The following DGKB variants were observed in gnomAD, a reference collection of about 807,000 sequenced individuals.
DGKB encodes the protein 90 kDa diacylglycerol kinase.
DGKB carries 67 observed loss-of-function variants against 114.3 expected under a neutral mutation model. That is an observed-to-expected ratio of 0.59 (90% confidence interval 0.48 to 0.72). The LOEUF (loss-of-function observed/expected upper bound fraction) is 0.72. Ranked by LOEUF, DGKB falls within the 30% of genes least tolerant of loss-of-function variation. DGKB has a pLI of 0.00. For missense variants in DGKB, 907 were observed against 975.2 expected (o/e 0.93, Z 0.93); for synonymous variants, 398 against 323.1 (o/e 1.23, Z -2.49).
chr7:14,767,244 G>C (rs1027177775), intron 2 of DGKB, among the ~76,000 whole-genome samples: 64 of 151,888 alleles, frequency 4.2e-4, no homozygotes, highest in Admixed American at 2.5e-3. Context: ...CTAGAATGTT[G>C]TCCTTTAGTG....
chr7:14,383,032 G>A (rs934712091), intron 21 of DGKB, among the ~76,000 whole-genome samples: 1 of 152,214 alleles, frequency 6.6e-6, no homozygotes, highest in African/African-American at 2.4e-5. Flanking sequence ...TATTTTGACA[G>A]TTTTGAACAA....
At chr7:14,917,386 C>T (rs1446904253) in intron 1 of DGKB, among the ~76,000 whole-genome samples, 1 of 151,968 alleles carries the variant, frequency 6.6e-6, no homozygotes, top group African/African-American at 2.4e-5. Flanking sequence ...AGCCAGGCCA[C>T]TAACAAGAGA....
intron 25 of DGKB, among the ~76,000 whole-genome samples, chr7:14,173,697 T>C (rs1270136250): frequency 1.3e-5 from 2 of 152,164 alleles, no homozygotes; most frequent in African/African-American, 4.8e-5. Flanking sequence ...ACCATACCAA[T>C]GCTATGAATA....
intron 25 of DGKB, among the ~76,000 whole-genome samples, chr7:14,153,403 ATTTTAC>A (rs1386533870): frequency 6.6e-6 from 1 of 152,022 alleles, no homozygotes; most frequent in Non-Finnish European, 1.5e-5. Flanking sequence ...TTTAAAAATA[ATTTTAC>A]TTTTATAATG....
At chr7:14,440,538 CTG>C (rs1829938463) in intron 21 of DGKB, among the ~76,000 whole-genome samples, 1 of 152,094 alleles carries the variant, frequency 6.6e-6, no homozygotes, top group Non-Finnish European at 1.5e-5. Context: ...AAATGTGGGT[CTG>C]TGAGATACAT....
intron 1 of DGKB, among the ~76,000 whole-genome samples, chr7:14,963,153 A>G (rs1562907448): frequency 6.6e-6 from 1 of 152,280 alleles, no homozygotes; most frequent in Non-Finnish European, 1.5e-5. Context: ...CTTTAAAAAT[A>G]CATGAGCAGA....
intron 22 of DGKB, among the ~76,000 whole-genome samples, chr7:14,340,799 A>G (rs1222066781): frequency 2.0e-5 from 3 of 151,834 alleles, no homozygotes; most frequent in African/African-American, 4.8e-5. Context: ...TAACAGAAGA[A>G]TCATGAAATA....
At chr7:14,720,084 GCA>G (rs1479985684) in intron 5 of DGKB, among the ~76,000 whole-genome samples, 3 of 151,126 alleles carry the variant, frequency 2.0e-5, no homozygotes, top group African/African-American at 4.9e-5. Flanking sequence ...TCTTAACACA[GCA>G]CACACACACG....
At chr7:14,599,145 G>C (rs1341727577) in intron 17 of DGKB, among the ~76,000 whole-genome samples, 1 of 152,182 alleles carries the variant, frequency 6.6e-6, no homozygotes, top group East Asian at 1.9e-4. Flanking sequence ...GCTGGATTTA[G>C]AAATTGGAGG....
At chr7:14,852,487 C>CAAAAACAAAAAAACAAAAAAA (rs1554304205) in intron 1 of DGKB, among the ~76,000 whole-genome samples, 9 of 63,618 alleles carry the variant, frequency 1.4e-4, no homozygotes, top group Non-Finnish European at 1.8e-4. Flanking sequence ...TAGTGAAAGT[C>CAAAAACAAAAAAACAAAAAAA]AAAAAAAAAA....
intron 1 of DGKB, among the ~76,000 whole-genome samples, chr7:14,847,939 A>G (rs1400363452): frequency 6.6e-6 from 1 of 152,240 alleles, no homozygotes; most frequent in East Asian, 1.9e-4. Context: ...GAAGTAAAGG[A>G]GCACATGATT....
intron 21 of DGKB, among the ~76,000 whole-genome samples, chr7:14,429,864 T>TCC (rs1175762049): frequency 6.6e-6 from 1 of 151,614 alleles, no homozygotes; most frequent in African/African-American, 2.4e-5. Flanking sequence ...AAGGCGGAGG[T>TCC]TGTAGTGAGC....
At chr7:14,508,994 G>T (rs1196608771) in intron 20 of DGKB, among the ~76,000 whole-genome samples, 1 of 152,092 alleles carries the variant, frequency 6.6e-6, no homozygotes, top group African/African-American at 2.4e-5. Context: ...AAAACAATTT[G>T]CCCTTTCAAA....
intron 2 of DGKB, among the ~76,000 whole-genome samples, chr7:14,840,186 G>A (rs142826485): frequency 0.01 from 1,574 of 152,212 alleles, 16 homozygotes; most frequent in African/African-American, 9.4e-3. Flanking sequence ...TTGACCAGAT[G>A]CCTTAATTTT....
intron 23 of DGKB, among the ~76,000 whole-genome samples, chr7:14,284,408 T>A (rs1447473643): frequency 2.1e-5 from 3 of 144,750 alleles, no homozygotes; most frequent in South Asian, 4.2e-4. Context: ...TTTACACTGT[T>A]GGTGGGACTG....
intron 1 of DGKB, among the ~76,000 whole-genome samples, chr7:14,948,442 C>G (rs1470900622): frequency 1.3e-5 from 2 of 151,590 alleles, no homozygotes; most frequent in African/African-American, 4.8e-5. Context: ...AAAACAACGG[C>G]AACGAATTGA....
At chr7:14,170,145 A>AAAGAAAGAAAG (rs1554271986) in intron 25 of DGKB, among the ~76,000 whole-genome samples, 3 of 99,980 alleles carry the variant, frequency 3.0e-5, no homozygotes, top group Non-Finnish European at 5.9e-5. Flanking sequence ...AAAAAAAAAA[A>AAAGAAAGAAAG]AAAGAAAGAA....
At chr7:14,480,534 A>G (rs1325732394) in intron 20 of DGKB, among the ~76,000 whole-genome samples, 1 of 152,094 alleles carries the variant, frequency 6.6e-6, no homozygotes, top group African/African-American at 2.4e-5. Context: ...TCCAGCAGCC[A>G]TTTTTCAAGA....
chr7:14,715,105 T>A (rs1464595587), intron 6 of DGKB, among the ~76,000 whole-genome samples: 1 of 152,140 alleles, frequency 6.6e-6, no homozygotes, highest in African/African-American at 2.4e-5. Flanking sequence ...TGAACTCAGA[T>A]CACTGAGACA....
Sources: gnomAD v4.1 joint callset for allele counts (sites outside exome capture counted in the v4.1 genomes callset) on GRCh38, gnomAD v4.1.1 for gene constraint, MANE v1.5 for transcripts, NCBI Gene and HGNC (gene_info 2026-07-23, HGNC 2026-07-21) for gene names.